The following PTPRS variants were observed in gnomAD, a reference collection of about 807,000 sequenced individuals.
The protein encoded by PTPRS is receptor-type tyrosine-protein phosphatase S.
In PTPRS, 63 loss-of-function variants were observed where a neutral mutation model predicts 215.3. That is an observed-to-expected ratio of 0.29 (90% CI 0.24 to 0.36). The LOEUF is 0.36. PTPRS is among the 10% of genes least tolerant of loss of function. The pLI is 1.00. For missense variants in PTPRS, 2,258 were observed against 2,825.8 expected, an observed-to-expected ratio of 0.80 and a Z score of 4.56; for synonymous variants, 1,404 against 1,191.4, an observed-to-expected ratio of 1.18 and a Z score of -3.68.
At chr19:5,266,234 G>A (rs1242964806) in intron 4 of PTPRS, among the ~76,000 whole-genome samples, 1 of 151,228 alleles carries the variant, frequency 6.6e-6, no homozygotes, top group Non-Finnish European at 1.5e-5. Flanking sequence ...ACTCTAGCCT[G>A]GGCGACAGAG....
chr19:5,297,449 C>A (rs2049169980), intron 1 of PTPRS, among the ~76,000 whole-genome samples: 1 of 152,176 alleles, frequency 6.6e-6, no homozygotes, highest in Admixed American at 6.5e-5. Context: ...GCTGAGGACA[C>A]AGTGGTAAGC....
At chr19:5,277,769 C>T (rs554830554) in intron 2 of PTPRS, 18 of 717,542 alleles carry the variant, frequency 2.5e-5, no homozygotes, top group Admixed American at 7.1e-5. Flanking sequence ...AGCCCAAGAT[C>T]GTCAAAAAGA....
chr19:5,306,487 G>T (rs573533414), intron 1 of PTPRS, among the ~76,000 whole-genome samples: 1 of 151,850 alleles, frequency 6.6e-6, no homozygotes, highest in African/African-American at 2.4e-5. Context: ...TATTCTGTTC[G>T]AATCATGGCT....
chr19:5,252,341 C>G (rs2045175992), intron 9 of PTPRS, among the ~76,000 whole-genome samples: 1 of 152,102 alleles, frequency 6.6e-6, no homozygotes, highest in African/African-American at 2.4e-5. Context: ...CTTTGGGAGG[C>G]TGAGGTGGGT....
chr19:5,246,850 C>T (rs1322253288), intron 9 of PTPRS, among the ~76,000 whole-genome samples: 1 of 151,930 alleles, frequency 6.6e-6, no homozygotes, highest in Admixed American at 6.6e-5. Flanking sequence ...TCAATAGATG[C>T]AGCTCTGAGT....
intron 1 of PTPRS, among the ~76,000 whole-genome samples, chr19:5,317,287 C>A (rs929668309): frequency 1.3e-5 from 2 of 152,124 alleles, no homozygotes; most frequent in African/African-American, 4.8e-5. Flanking sequence ...GCCCGGCCAA[C>A]ATGGGGAAAC....
At chr19:5,267,305 CTGAGGTGA>C (rs2046477436) in intron 4 of PTPRS, among the ~76,000 whole-genome samples, 2 of 152,076 alleles carry the variant, frequency 1.3e-5, no homozygotes, top group African/African-American at 4.8e-5. Flanking sequence ...TGCTTCTGGG[CTGAGGTGA>C]TGAGGTGAGC....
chr19:5,256,991 T>C (rs570438751), intron 8 of PTPRS, among the ~76,000 whole-genome samples: 1 of 151,674 alleles, frequency 6.6e-6, no homozygotes. Context: ...TACACAGCGC[T>C]AACTGGGGCA....
chr19:5,283,065 G>A (rs1208271886), intron 2 of PTPRS, among the ~76,000 whole-genome samples: 3 of 152,198 alleles, frequency 2.0e-5, no homozygotes, highest in East Asian at 1.9e-4. Context: ...TGAGCCTCCC[G>A]CTCCGTGGCC....
intron 3 of PTPRS, 85 bp from the exon 4 acceptor site, chr19:5,273,668 G>A: frequency 2.0e-6 from 3 of 1,512,952 alleles, no homozygotes; most frequent in South Asian, 2.4e-5. Flanking sequence ...CTGGGCTGTA[G>A]GGGAATGGCA....
chr19:5,243,104 C>A lies in PTPRS; in HGVS notation c.1570+797G>T, dbSNP rs138422686. On this transcript the variant is annotated intron_variant, in intron 11 of 37. Coordinates refer to ENST00000262963, the MANE Select transcript of PTPRS (RefSeq NM_002850.4). Reference sequence around the variant, plus strand: ...GAGTAGCTGGGACTACAGGCACATGCCACCAAGCCTGGCTAGCTCTCTTTT... The same window carrying A: ...GAGTAGCTGGGACTACAGGCACATGACACCAAGCCTGGCTAGCTCTCTTTT... Among the ~76,000 whole-genome samples the A allele has an allele frequency of 9.2e-3, 1,392 of 152,020 alleles. 26 individuals are homozygous for A. Among genetic ancestry groups the A allele is most frequent in the African/African-American group, 0.032 (1,313 of 41,456 alleles).
At chr19:5,239,205 G>T (rs1346868877) in intron 12 of PTPRS, 142 bp from the exon 13 acceptor site, 3 of 633,380 alleles carry the variant, frequency 4.7e-6, no homozygotes, top group African/African-American at 3.9e-5. Context: ...AATAGAGACA[G>T]GGGTGCGGCA....
At position 5,339,504 on chromosome 19, in the gene PTPRS, G is replaced by T. The variant is rs541186588; in HGVS notation, c.-95+1160C>A. 4.2e-4 allele frequency among the ~76,000 whole-genome samples: 64 copies of T among 151,884 alleles called. No individual in the cohort carries two copies. Among genetic ancestry groups the T allele is most frequent in the Non-Finnish European group, 5.7e-4 (39 of 67,924 alleles). On this transcript the variant is annotated intron_variant, in intron 1 of 37. Transcript: ENST00000262963. This position sits in a 1 kb window ranked among gnomAD's most constrained non-coding sequence, Gnocchi z 4.2. Reference sequence around the variant, plus strand: ...TGAGGATTCTGGAGAGAAAGCGGCCGAAGGGGAGTTCCCCAATTTGGGAAG... The same window carrying T: ...TGAGGATTCTGGAGAGAAAGCGGCCTAAGGGGAGTTCCCCAATTTGGGAAG...
chr19:5,216,774 A>C lies in PTPRS; in HGVS notation c.4049-7T>G. On this transcript the variant is annotated splice_region_variant and splice_polypyrimidine_tract_variant and intron_variant, in intron 25 of 37. Coordinates refer to ENST00000262963, the MANE Select transcript of PTPRS (RefSeq NM_002850.4). The stretch of plus-strand genomic sequence containing the variant: ...GGGCTCCTGAGGCCTGAATCTGCAA[A>C]CAGCAAACAATAAATAAATGAAAAC... The C allele has an allele frequency of 1.3e-6, 2 of 1,554,846 alleles. No individual in the cohort carries two copies. Among genetic ancestry groups the C allele is most frequent in the Non-Finnish European group, 8.7e-7 (1 of 1,144,340 alleles).
chr19:5,219,992 G>A lies in PTPRS; in HGVS notation c.3712C>T (p.Pro1238Ser), dbSNP rs2145305176. 1.9e-6 allele frequency: 3 copies of A among 1,613,788 alleles called. No homozygotes were observed. The highest frequency in any genetic ancestry group is 1.3e-5 in the African/African-American group (1 of 75,056). ...YGGFDNRGLE[P>S]GHRYVLFVLA... ...ACGAAGAGGACATAGCGGTGGCCGGGCTCCAGGCCCCGGTTATCGAAGCCG... is the reference window on the plus strand; with the variant it reads ...ACGAAGAGGACATAGCGGTGGCCGGACTCCAGGCCCCGGTTATCGAAGCCG... Residue 1238 changes from proline (P) to serine (S), a missense_variant, in exon 22 of 38, where the codon CCC (proline) becomes TCC (serine). Coordinates refer to ENST00000262963, the MANE Select transcript of PTPRS (RefSeq NM_002850.4).
At chr19:5,222,556 C>T (rs867819249) in intron 18 of PTPRS, 133 bp downstream of exon 18, 22 of 1,086,196 alleles carry the variant, frequency 2.0e-5, no homozygotes, top group East Asian at 5.6e-5. Context: ...CCTCGGGGTC[C>T]GGACTTGCCT....
chr19:5,205,618 G>A lies in PTPRS; in HGVS notation c.*1156C>T, dbSNP rs1341171937. On this transcript the variant is annotated 3_prime_UTR_variant, in exon 38 of 38. Coordinates refer to ENST00000262963, the MANE Select transcript of PTPRS (RefSeq NM_002850.4). ...CAGTGTTGAAAGTAACCGCAGACCT[G>A]CCCTTGTACAAAGAGGAACAACTCG... 6.6e-6 allele frequency among the ~76,000 whole-genome samples: 1 copy of A among 152,226 alleles called. No homozygotes were observed. Among genetic ancestry groups the A allele is most frequent in the African/African-American group, 2.4e-5 (1 of 41,454 alleles).
intron 9 of PTPRS, among the ~76,000 whole-genome samples, chr19:5,253,448 G>A (rs1321233283): frequency 6.6e-6 from 1 of 152,232 alleles, no homozygotes; most frequent in Non-Finnish European, 1.5e-5. Flanking sequence ...AACATGCCAG[G>A]TAGCCCATCT....
intron 1 of PTPRS, among the ~76,000 whole-genome samples, chr19:5,337,119 C>G (rs941513592): frequency 5.3e-5 from 8 of 152,198 alleles, no homozygotes; most frequent in Non-Finnish European, 7.3e-5. Context: ...TCCCGTGGCT[C>G]CGACCGACTC....
Sources: gnomAD v4.1 joint callset for allele counts (sites outside exome capture counted in the v4.1 genomes callset) on GRCh38, gnomAD v4.1.1 for gene constraint, Gnocchi (gnomAD v3.1) non-coding constraint, MANE v1.5 for transcripts, NCBI Gene and HGNC (gene_info 2026-07-23, HGNC 2026-07-21) for gene names.